PRH1: variants seen among roughly 807,000 people sequenced by gnomAD.
PRH1 encodes proline rich protein HaeIII subfamily 1.
Under a neutral mutation model 7.9 loss-of-function variants are expected in PRH1, and 7 were observed. The observed-to-expected ratio is 0.89, with a 90% CI of 0.50 to 1.67. PRH1 has a LOEUF of 1.67. Ranked by LOEUF, PRH1 falls within the 40% of genes most tolerant of loss-of-function variation. The pLI is 0.00. For synonymous variants in PRH1, 45 were observed against 80.8 expected, an observed-to-expected ratio of 0.56 and a Z score of 2.38; for missense variants, 109 against 223.6, an observed-to-expected ratio of 0.49 and a Z score of 3.27.
intron 1 of PRH1, among the ~76,000 whole-genome samples, chr12:10,994,661 A>G (rs1325647812): frequency 6.6e-6 from 1 of 152,164 alleles, no homozygotes; most frequent in Non-Finnish European, 1.5e-5. Context: ...CCCTGATAAG[A>G]TATTCATTCA....
Position 10,882,477 on chromosome 12 carries a change from G to T in PRH1, c.322C>A (p.Pro108Thr), listed in dbSNP as rs1949419713. 1 of 1,546,218 alleles carries T rather than the reference G, an allele frequency of 6.5e-7. No individual in the cohort carries two copies. Among genetic ancestry groups the T allele is most frequent in the South Asian group, 1.2e-5 (1 of 86,116 alleles). ...GGTGGTCCTTGTGGCTTTCCCTGAGGAGGTGGTGGACCTTGTTGCTGCTGG... is the reference window on the plus strand; with the variant it reads ...GGTGGTCCTTGTGGCTTTCCCTGAGTAGGTGGTGGACCTTGTTGCTGCTGG... ...GGQQQQGPPP[P>T]QGKPQGPPQQ... Residue 108 changes from proline to threonine, a missense_variant, in exon 3 of 4, where the codon CCT becomes ACT. By Grantham distance (38) the Pro-to-Thr change is conservative. Coordinates refer to ENST00000543626, the MANE Select transcript of PRH1 (RefSeq NM_001393989.1).
intron 1 of PRH1, among the ~76,000 whole-genome samples, chr12:11,167,970 A>AT (rs768717013): frequency 1.3e-5 from 2 of 152,010 alleles, no homozygotes; most frequent in African/African-American, 2.4e-5. Context: ...TGTATAGGTG[A>AT]TTTTTTATGC....
intron 1 of PRH1, among the ~76,000 whole-genome samples, chr12:11,096,794 T>G (rs115164039): frequency 0.27 from 30,242 of 113,652 alleles, 10,535 homozygotes; most frequent in Non-Finnish European, 0.32. Context: ...TTTTGTTTTT[T>G]TTGTTGTTGT....
chr12:11,135,226 C>G (rs759770865), intron 1 of PRH1, among the ~76,000 whole-genome samples: 2 of 152,156 alleles, frequency 1.3e-5, no homozygotes, highest in Non-Finnish European at 2.9e-5. Context: ...CGAAGACTGA[C>G]TACCTTTCCC....
intron 2 of PRH1, chr12:10,909,043 T>G: frequency 1.2e-6 from 2 of 1,613,656 alleles, no homozygotes; most frequent in Non-Finnish European, 1.7e-6. Context: ...CAGCTAAAAA[T>G]CATAATTCTT....
At chr12:10,927,285 C>T (rs923052731) in intron 2 of PRH1, among the ~76,000 whole-genome samples, 5 of 152,146 alleles carry the variant, frequency 3.3e-5, no homozygotes, top group African/African-American at 1.2e-4. Context: ...CTTTCTCTGG[C>T]CTTCCTTTTT....
intron 2 of PRH1, chr12:10,965,345 G>C (rs1396101312): frequency 1.7e-6 from 2 of 1,189,880 alleles, no homozygotes; most frequent in East Asian, 7.8e-5. Context: ...GGGTAGAAAA[G>C]TTATCATGTC....
At chr12:10,947,023 T>G (rs1027479148) in intron 2 of PRH1, among the ~76,000 whole-genome samples, 3 of 152,180 alleles carry the variant, frequency 2.0e-5, no homozygotes, top group Non-Finnish European at 4.4e-5. Context: ...TATTTTACAT[T>G]TGTTGAGGAT....
Position 11,106,286 on chromosome 12 carries a change from A to G in PRH1, n.124-59098T>C, listed in dbSNP as rs1046674977. ...CATTAATACAAACACACTCAAACCC[A>G]TACACACATACTCACTCACTCATGG... On this transcript the variant is annotated intron_variant and non_coding_transcript_variant, in intron 1 of 4. Transcript: ENST00000541977. Among the ~76,000 whole-genome samples the G allele has an allele frequency of 3.4e-4, 51 of 152,198 alleles. 1 individual carries two copies. The highest frequency in any genetic ancestry group is 1.2e-4 in the Non-Finnish European group (8 of 67,980).
At chr12:11,032,027 T>C (rs1942246834) in intron 1 of PRH1, among the ~76,000 whole-genome samples, 1 of 152,242 alleles carries the variant, frequency 6.6e-6, no homozygotes, top group Admixed American at 6.5e-5. Flanking sequence ...TTCAATGATC[T>C]CTTTATGGAA....
rs145149106 is a variant in PRH1, at chr12:10,952,814, C to G, written c.-59+20841G>C. On this transcript the variant is annotated intron_variant, in intron 2 of 3. Transcript: ENST00000539853. ...CTGCACCCCATCCCGGTCCAAGAGCCTATACCCTGCCACACTGCTGCTGCT... is the reference window on the plus strand; with the variant it reads ...CTGCACCCCATCCCGGTCCAAGAGCGTATACCCTGCCACACTGCTGCTGCT... 2.4e-3 allele frequency among the ~76,000 whole-genome samples: 370 copies of G among 152,288 alleles called. 2 individuals are homozygous for G. The highest frequency in any genetic ancestry group is 8.3e-3 in the African/African-American group (347 of 41,580).
At chr12:11,018,238 T>G (rs10732561) in intron 1 of PRH1, among the ~76,000 whole-genome samples, 113,368 of 152,066 alleles carry the variant, frequency 0.75, 44,688 homozygotes, top group East Asian at 0.96. Flanking sequence ...CAGTGGAGGA[T>G]TATCCGCTGT....
At chr12:11,094,268 C>T (rs1213394586) in intron 1 of PRH1, among the ~76,000 whole-genome samples, 1 of 88,534 alleles carries the variant, frequency 1.1e-5, no homozygotes, top group Non-Finnish European at 2.6e-5. Flanking sequence ...CGCCACTGCA[C>T]CCCAGCCTGA....
chr12:11,116,110 C>T (rs1945724229), downstream of PRH1, among the ~76,000 whole-genome samples: 1 of 151,786 alleles, frequency 6.6e-6, no homozygotes, highest in Admixed American at 6.6e-5. Flanking sequence ...AAACAAAAAC[C>T]TGTTTTCTTG....
At chr12:11,124,318 C>A (rs1188340345) in intron 1 of PRH1, among the ~76,000 whole-genome samples, 2 of 152,286 alleles carry the variant, frequency 1.3e-5, no homozygotes, top group Non-Finnish European at 2.9e-5. Context: ...TGAACTCCAT[C>A]ATTACCTACA....
At chr12:10,967,624 T>TTTTTGTTTTGTTTTG (rs746771062) in intron 2 of PRH1, among the ~76,000 whole-genome samples, 3 of 152,256 alleles carry the variant, frequency 2.0e-5, no homozygotes, top group African/African-American at 7.2e-5. Context: ...TGTGATTAGC[T>TTTTTGTTTTGTTTTG]TTTTGTTTTG....
chr12:11,028,981 T>C (rs545611414), intron 1 of PRH1, among the ~76,000 whole-genome samples: 9 of 152,298 alleles, frequency 5.9e-5, no homozygotes, highest in Non-Finnish European at 1.3e-4. Flanking sequence ...TAGCCACCCA[T>C]TTATTTGTTC....
At chr12:11,022,031 T>C (rs773464415) in intron 1 of PRH1, 2 of 1,613,764 alleles carry the variant, frequency 1.2e-6, no homozygotes, top group Non-Finnish European at 1.7e-6. Context: ...TTTGCTAGAG[T>C]AGTTACAGTC....
rs373279158 is a variant in PRH1 at position 11,022,633 on chromosome 12, A to G, written c.-126+24387T>C. 4.0e-5 allele frequency: 50 copies of G among 1,240,128 alleles called. 1 individual carries two copies. The African/African-American group carries it at 4.8e-4, about 12-fold the overall frequency. 76.8% of individuals were successfully genotyped at this position (1,240,128 alleles called of 1,614,324 possible). Reference sequence around the variant, plus strand: ...TTGTTCTGAGTCCTTTAACATCCAGATGTTAACTTCGATGAACACTTGATT... The same window carrying G: ...TTGTTCTGAGTCCTTTAACATCCAGGTGTTAACTTCGATGAACACTTGATT... On this transcript the variant is annotated intron_variant, in intron 1 of 3. Coordinates refer to the PRH1 transcript ENST00000539853.
Sources: allele counts gnomAD v4.1 joint callset (sites outside exome capture counted in the v4.1 genomes callset), GRCh38; gene constraint gnomAD v4.1.1; transcripts MANE v1.5; gene names NCBI Gene and HGNC (gene_info 2026-07-23, HGNC 2026-07-21).